CDH13: variants seen among roughly 807,000 people sequenced by gnomAD.
The protein encoded by CDH13 is cadherin 13.
In CDH13, 24 loss-of-function variants were observed where a neutral mutation model predicts 63.8. The observed-to-expected ratio is 0.38, with a 90% confidence interval of 0.27 to 0.53. CDH13 has a LOEUF of 0.53. Among genes scored for constraint, CDH13 ranks in the 20% least tolerant of loss-of-function variants. The pLI, the probability that CDH13 is intolerant of heterozygous loss-of-function variation, is 0.85. For synonymous variants in CDH13, 503 were observed against 355.3 expected, an observed-to-expected ratio of 1.42 and a Z score of -4.67; for missense variants, 1,049 against 903.1, an observed-to-expected ratio of 1.16 and a Z score of -2.07.
At chr16:82,821,266 C>A (rs1264467325) in intron 1 of CDH13, among the ~76,000 whole-genome samples, 2 of 151,964 alleles carry the variant, frequency 1.3e-5, no homozygotes, top group Non-Finnish European at 2.9e-5. Context: ...GAATTTGGAA[C>A]ATTAATGACT....
At chr16:82,839,250 G>A (rs1354299021) in intron 1 of CDH13, among the ~76,000 whole-genome samples, 1 of 152,164 alleles carries the variant, frequency 6.6e-6, no homozygotes, top group Non-Finnish European at 1.5e-5. Context: ...CGTCTTTTGG[G>A]TCTGGAAATT....
At chr16:82,969,221 CT>C (rs1248720371) in intron 2 of CDH13, among the ~76,000 whole-genome samples, 1 of 152,150 alleles carries the variant, frequency 6.6e-6, no homozygotes, top group East Asian at 1.9e-4. Flanking sequence ...GCCAGGTAGG[CT>C]TTGTAGGTGA....
At chr16:82,777,401 A>G (rs1416830735) in intron 1 of CDH13, among the ~76,000 whole-genome samples, 1 of 152,212 alleles carries the variant, frequency 6.6e-6, no homozygotes, top group East Asian at 1.9e-4. Flanking sequence ...TTTGGCATCA[A>G]TATTGTCACC....
chr16:83,148,646 C>T (rs555071377), intron 4 of CDH13, among the ~76,000 whole-genome samples: 1 of 152,138 alleles, frequency 6.6e-6, no homozygotes, highest in Non-Finnish European at 1.5e-5. Flanking sequence ...TAAACTCTCG[C>T]ACCATATTAA....
At chr16:83,348,246 A>G (rs1045220530) in intron 6 of CDH13, among the ~76,000 whole-genome samples, 10 of 152,168 alleles carry the variant, frequency 6.6e-5, no homozygotes, top group African/African-American at 1.4e-4. Context: ...TCTTGTTTCC[A>G]TGTTTTACAC....
intron 3 of CDH13, among the ~76,000 whole-genome samples, chr16:83,113,390 C>G (rs1429662600): frequency 6.6e-6 from 1 of 152,258 alleles, no homozygotes; most frequent in Non-Finnish European, 1.5e-5. Flanking sequence ...CTGGATTACT[C>G]AAATTCTTAC....
chr16:83,227,733 C>A (rs1022171117), intron 5 of CDH13, among the ~76,000 whole-genome samples: 4 of 152,122 alleles, frequency 2.6e-5, no homozygotes, highest in African/African-American at 9.7e-5. Flanking sequence ...TGGAGGAAAA[C>A]AGGGGAGCAT....
intron 4 of CDH13, among the ~76,000 whole-genome samples, chr16:83,175,057 T>A (rs954985681): frequency 1.3e-5 from 2 of 152,084 alleles, no homozygotes; most frequent in Non-Finnish European, 2.9e-5. Context: ...CTAGCCACAT[T>A]TCAAATCATC....
chr16:83,745,745 GTTC>G (rs1912519748), intron 10 of CDH13, among the ~76,000 whole-genome samples: 2 of 152,174 alleles, frequency 1.3e-5, no homozygotes, highest in African/African-American at 2.4e-5. Context: ...GACAAGGGCA[GTTC>G]TTCTTCTCCT....
chr16:83,545,107 C>T (rs2075362442), intron 7 of CDH13, among the ~76,000 whole-genome samples: 1 of 152,176 alleles, frequency 6.6e-6, no homozygotes, highest in East Asian at 1.9e-4. Context: ...ATTGTTAGAG[C>T]TCATGTTCTT....
intron 3 of CDH13, among the ~76,000 whole-genome samples, chr16:83,039,334 C>G (rs556832810): frequency 9.8e-5 from 15 of 152,296 alleles, no homozygotes; most frequent in African/African-American, 3.4e-4. Flanking sequence ...TCTCTGCAGC[C>G]TTCTTTCAAG....
chr16:83,722,952 A>C (rs1056427552), intron 10 of CDH13, among the ~76,000 whole-genome samples: 2 of 152,236 alleles, frequency 1.3e-5, no homozygotes, highest in Admixed American at 6.5e-5. Flanking sequence ...TGCACCTGAC[A>C]GGTGCCATAT....
chr16:83,750,686 T>C (rs115751277), intron 11 of CDH13, among the ~76,000 whole-genome samples: 400 of 152,306 alleles, frequency 2.6e-3, no homozygotes, highest in African/African-American at 9.3e-3. Flanking sequence ...GTGATGCTTC[T>C]GCAAGTCAAG....
At chr16:83,147,557 T>C (rs1262837157) in intron 4 of CDH13, among the ~76,000 whole-genome samples, 1 of 152,198 alleles carries the variant, frequency 6.6e-6, no homozygotes, top group African/African-American at 2.4e-5. Context: ...AGCTGTCCTG[T>C]TATTTGTGAT....
chr16:83,548,124 A>G (rs986696531), intron 7 of CDH13, among the ~76,000 whole-genome samples: 13 of 152,104 alleles, frequency 8.5e-5, no homozygotes, highest in African/African-American at 2.9e-4. Flanking sequence ...AGCCAAGAGC[A>G]GGTGTCCAGG....
chr16:82,905,180 A>G (rs929395493), intron 2 of CDH13, among the ~76,000 whole-genome samples: 8 of 152,170 alleles, frequency 5.3e-5, no homozygotes, highest in African/African-American at 1.9e-4. Flanking sequence ...GTGTGTTTAG[A>G]CGGGAGAAAG....
chr16:83,442,216 G>A (rs1316417152), intron 6 of CDH13, among the ~76,000 whole-genome samples: 1 of 152,146 alleles, frequency 6.6e-6, no homozygotes, highest in African/African-American at 2.4e-5. Context: ...TTTTCCCTGG[G>A]CCTCAGTTAC....
chr16:82,714,205 C>CTTAAG (rs2032180586), intron 1 of CDH13, among the ~76,000 whole-genome samples: 1 of 152,200 alleles, frequency 6.6e-6, no homozygotes, highest in Non-Finnish European at 1.5e-5. Flanking sequence ...ATGCCTCTGA[C>CTTAAG]TCCACTTAAG....
intron 3 of CDH13, among the ~76,000 whole-genome samples, chr16:83,035,094 A>G (rs199896006): frequency 4.8e-5 from 4 of 84,036 alleles, no homozygotes; most frequent in Admixed American, 1.1e-4. Context: ...TCAAAAAAGG[A>G]AAAAAAAATA....
Sources: allele counts gnomAD v4.1 joint callset (sites outside exome capture counted in the v4.1 genomes callset), GRCh38; gene constraint gnomAD v4.1.1; transcripts MANE v1.5; gene names NCBI Gene and HGNC (gene_info 2026-07-23, HGNC 2026-07-21).